The following SLC8A3 variants were observed in gnomAD, a reference collection of about 807,000 sequenced individuals.
SLC8A3 encodes the protein sodium/calcium exchanger 3.
Under a neutral mutation model 65.4 loss-of-function variants are expected in SLC8A3, and 37 were observed. The observed-to-expected ratio is 0.57, with a 90% CI of 0.44 to 0.74. The LOEUF (loss-of-function observed/expected upper bound fraction) is 0.74. Ranked by LOEUF, SLC8A3 falls within the 30% of genes least tolerant of loss-of-function variation. The probability of loss-of-function intolerance (pLI) is 0.00; values close to 1 mark genes in which losing one functional copy is unlikely to be tolerated. For synonymous variants in SLC8A3, 461 were observed against 444.5 expected, an observed-to-expected ratio of 1.04 and a Z score of -0.47; for missense variants, 1,112 against 1,172.1, an observed-to-expected ratio of 0.95 and a Z score of 0.75.
chr14:70,107,846 T>A (rs1294249410), intron 2 of SLC8A3, among the ~76,000 whole-genome samples: 1 of 152,140 alleles, frequency 6.6e-6, no homozygotes, highest in Admixed American at 6.5e-5. Context: ...GCTGCCCAGA[T>A]AATTTCCCTT....
chr14:70,085,348 A>G lies in SLC8A3; in HGVS notation c.1785-24409T>C, dbSNP rs530715122. 5.9e-5 allele frequency among the ~76,000 whole-genome samples: 9 copies of G among 152,318 alleles called. No homozygotes were observed. In the East Asian group the frequency reaches 1.7e-3, roughly 29 times the overall value. On this transcript the variant is annotated intron_variant, in intron 2 of 6. Transcript: ENST00000356921. ...CTAAAAAAACACATACAATCAGATT[A>G]TGATTTCTTTCCTTCTATGCATTCT...
intron 1 of SLC8A3, among the ~76,000 whole-genome samples, chr14:70,170,665 G>A (rs1329989712): frequency 6.6e-6 from 1 of 152,134 alleles, no homozygotes; most frequent in African/African-American, 2.4e-5. Context: ...AGGCTATGTG[G>A]GACCTCTTTA....
chr14:70,084,345 A>G (rs1198207187), intron 2 of SLC8A3, among the ~76,000 whole-genome samples: 1 of 152,164 alleles, frequency 6.6e-6, no homozygotes, highest in Non-Finnish European at 1.5e-5. Context: ...CACACCCTCC[A>G]TTAAGAGTAG....
At position 70,048,844 on chromosome 14, in the gene SLC8A3, G is replaced by A. The variant is rs775675453; in HGVS notation, c.2312C>T (p.Ser771Leu). ...MLTAIIGDLA[S>L]HFGCTIGLKD... is the part of the protein sequence containing the mutation. Reference sequence around the variant, plus strand: ...GAGACCAATGGTGCAGCCGAAGTGCGAGGCCAGGTCCCCAATGATGGCGGT... The same window carrying A: ...GAGACCAATGGTGCAGCCGAAGTGCAAGGCCAGGTCCCCAATGATGGCGGT... The change falls in exon 6 of 7, where the codon TCG becomes TTG. Residue 771 changes from serine to leucine, a missense_variant. Ser to Leu is a moderately radical substitution (Grantham distance 145, BLOSUM62 -2). Coordinates refer to ENST00000356921, the MANE Select transcript of SLC8A3 (RefSeq NM_182932.3). The A allele has an allele frequency of 2.7e-5, 44 of 1,614,018 alleles. No individual in the cohort carries two copies. Among genetic ancestry groups the A allele is most frequent in the Admixed American group, 1.0e-4 (6 of 59,992 alleles).
chr14:70,186,018 C>T (rs1883179219), intron 1 of SLC8A3, among the ~76,000 whole-genome samples: 5 of 151,958 alleles, frequency 3.3e-5, no homozygotes, highest in Admixed American at 3.3e-4. Context: ...TGGCTGTGTC[C>T]CCACCCAAAT....
At chr14:70,181,625 T>C (rs1307776244) in intron 1 of SLC8A3, among the ~76,000 whole-genome samples, 2 of 152,056 alleles carry the variant, frequency 1.3e-5, no homozygotes, top group African/African-American at 4.8e-5. Context: ...GGACAAGTCT[T>C]AGGGGAAGGT....
At position 70,103,464 on chromosome 14, in the gene SLC8A3, G is replaced by A. The variant is rs140209439; in HGVS notation, c.1785-42525C>T. 3.9e-3 allele frequency among the ~76,000 whole-genome samples: 591 copies of A among 152,092 alleles called. 6 individuals are homozygous for A. The highest frequency in any genetic ancestry group is 0.013 in the African/African-American group (547 of 41,534). On this transcript the variant is annotated intron_variant, in intron 2 of 6. Coordinates refer to ENST00000356921, the MANE Select transcript of SLC8A3 (RefSeq NM_182932.3). The stretch of plus-strand genomic sequence containing the variant: ...GAAAAAGATTATAACACTCTATTGT[G>A]GATTTTACAATGTACGTGATGTAAT...
At chr14:70,126,133 A>G (rs557404756) in intron 2 of SLC8A3, among the ~76,000 whole-genome samples, 1 of 152,214 alleles carries the variant, frequency 6.6e-6, no homozygotes, top group Non-Finnish European at 1.5e-5. Flanking sequence ...CCCCAGAATT[A>G]GAAGAAATGG....
At chr14:70,089,494 G>A (rs925694441) in intron 2 of SLC8A3, among the ~76,000 whole-genome samples, 2 of 152,218 alleles carry the variant, frequency 1.3e-5, no homozygotes, top group Non-Finnish European at 1.5e-5. Context: ...GCTACTGGGT[G>A]AAAGAGGTGG....
intron 2 of SLC8A3, among the ~76,000 whole-genome samples, chr14:70,159,941 C>A (rs1381242222): frequency 1.3e-5 from 2 of 152,148 alleles, no homozygotes; most frequent in African/African-American, 2.4e-5. Flanking sequence ...TTTTCTCATA[C>A]TATCAGCCCT....
chr14:70,179,658 C>T (rs72625688), intron 1 of SLC8A3, among the ~76,000 whole-genome samples: 5,611 of 152,290 alleles, frequency 0.037, 281 homozygotes, highest in East Asian at 0.27. Flanking sequence ...ATTCTAAACA[C>T]GGCCCCTTCT....
At chr14:70,081,598 C>G (rs1891057061) in intron 2 of SLC8A3, among the ~76,000 whole-genome samples, 1 of 152,146 alleles carries the variant, frequency 6.6e-6, no homozygotes, top group South Asian at 2.1e-4. Context: ...CCAGGTGAGG[C>G]CACAGCCATT....
chr14:70,056,499 G>T (rs372559683), intron 3 of SLC8A3, among the ~76,000 whole-genome samples: 1 of 152,186 alleles, frequency 6.6e-6, no homozygotes, highest in Non-Finnish European at 1.5e-5. Flanking sequence ...TTCCTTGAAT[G>T]GTTTGTCTTT....
At chr14:70,094,439 C>T (rs137970751) in intron 2 of SLC8A3, among the ~76,000 whole-genome samples, 192 of 152,338 alleles carry the variant, frequency 1.3e-3, no homozygotes, top group Middle Eastern at 0.01. Flanking sequence ...CCCATCATTA[C>T]GACGTCTTAC....
chr14:70,141,867 C>T (rs1895600650), intron 2 of SLC8A3, among the ~76,000 whole-genome samples: 1 of 152,234 alleles, frequency 6.6e-6, no homozygotes, highest in African/African-American at 2.4e-5. Flanking sequence ...TCCTCCCTGG[C>T]TGACCTCACA....
chr14:70,120,160 G>T (rs1220202964), intron 2 of SLC8A3, among the ~76,000 whole-genome samples: 2 of 152,202 alleles, frequency 1.3e-5, no homozygotes, highest in Non-Finnish European at 2.9e-5. Flanking sequence ...TTAGATAACT[G>T]CCTGACCAGG....
rs201879735 is a variant in SLC8A3, at chr14:70,086,407, T to TC, written c.1785-25469_1785-25468insG. Among the ~76,000 whole-genome samples the TC allele has an allele frequency of 1.9e-4, 28 of 144,894 alleles. No individual in the cohort carries two copies. In the East Asian group the frequency reaches 3.6e-3, roughly 18 times the overall value. The stretch of plus-strand genomic sequence containing the variant: ...TTTTTTCTTTTTCTTTTTTCTTTTT[T>TC]TTTTTTTTTTTTGAGATGGAGTCTC... On this transcript the variant is annotated intron_variant, in intron 2 of 6. Transcript: ENST00000356921.
At chr14:70,092,698 T>C (rs1445657514) in intron 2 of SLC8A3, among the ~76,000 whole-genome samples, 1 of 152,166 alleles carries the variant, frequency 6.6e-6, no homozygotes, top group Non-Finnish European at 1.5e-5. Context: ...GTGCTGCTGG[T>C]AGTAATGTCT....
At chr14:70,080,056 CA>C in intron 2 of SLC8A3, 3 of 979,596 alleles carry the variant, frequency 3.1e-6, no homozygotes, top group Non-Finnish European at 2.4e-6. Flanking sequence ...GCACAGGCAG[CA>C]GGCTCAGCAA....
Sources: allele counts gnomAD v4.1 joint callset (sites outside exome capture counted in the v4.1 genomes callset), GRCh38; gene constraint gnomAD v4.1.1; transcripts MANE v1.5; gene names NCBI Gene and HGNC (gene_info 2026-07-23, HGNC 2026-07-21).